The following SRP54 variants were observed in gnomAD, a reference collection of about 807,000 sequenced individuals.
SRP54 encodes the protein signal recognition particle subunit SRP54.
In SRP54, 10 loss-of-function variants were observed where a neutral mutation model predicts 64.8. That is an observed-to-expected ratio of 0.15 (90% confidence interval 0.10 to 0.26). SRP54 has a LOEUF of 0.26. Ranked by LOEUF, SRP54 falls within the 10% of genes least tolerant of loss-of-function variation. The pLI, the probability that SRP54 is intolerant of heterozygous loss-of-function variation, is 1.00. For missense variants in SRP54, 325 were observed against 613.7 expected, an observed-to-expected ratio of 0.53 and a Z score of 4.97; for synonymous variants, 193 against 185.6, an observed-to-expected ratio of 1.04 and a Z score of -0.32.
At chr14:35,021,632 CAA>C (rs11373911) in intron 13 of SRP54, among the ~76,000 whole-genome samples, 1 of 132,296 alleles carries the variant, frequency 7.6e-6, no homozygotes, top group African/African-American at 2.9e-5. Flanking sequence ...CACTCTGTCT[CAA>C]AAAAAAAAAA....
intron 1 of SRP54, among the ~76,000 whole-genome samples, chr14:34,992,832 C>G (rs1254355880): frequency 6.6e-6 from 1 of 151,458 alleles, no homozygotes; most frequent in Admixed American, 6.6e-5. Context: ...AAGTTTGCCC[C>G]CCCAAAAAGT....
intron 7 of SRP54, among the ~76,000 whole-genome samples, chr14:35,010,417 C>G (rs2044337350): frequency 6.6e-6 from 1 of 151,440 alleles, no homozygotes; most frequent in Non-Finnish European, 1.5e-5. Context: ...TTGCACTCCA[C>G]CATGGGCAAC....
intron 4 of SRP54, among the ~76,000 whole-genome samples, chr14:35,002,591 C>A (rs1178731874): frequency 6.6e-6 from 1 of 151,788 alleles, no homozygotes; most frequent in Non-Finnish European, 1.5e-5. Context: ...TGCCACCACG[C>A]CCAGCTAATT....
chr14:35,011,152 C>A (rs979867385), intron 7 of SRP54, among the ~76,000 whole-genome samples: 3 of 151,474 alleles, frequency 2.0e-5, no homozygotes, highest in African/African-American at 7.3e-5. Flanking sequence ...ACAAGAATAT[C>A]TACTGGTTTT....
intron 1 of SRP54, among the ~76,000 whole-genome samples, chr14:34,988,460 G>T (rs938154840): frequency 2.0e-5 from 3 of 148,296 alleles, no homozygotes; most frequent in African/African-American, 7.4e-5. Flanking sequence ...TACTCAGAAA[G>T]CTGAGGCAGG....
At chr14:35,002,567 G>A (rs1397011126) in intron 4 of SRP54, among the ~76,000 whole-genome samples, 1 of 151,516 alleles carries the variant, frequency 6.6e-6, no homozygotes, top group African/African-American at 2.4e-5. Flanking sequence ...CAAGTAGCTG[G>A]GATTACAGGT....
chr14:34,991,109 CTTTTTTTT>C (rs71435838), intron 1 of SRP54, among the ~76,000 whole-genome samples: 16 of 111,086 alleles, frequency 1.4e-4, no homozygotes, highest in African/African-American at 5.3e-4. Context: ...AATTTCTTTT[CTTTTTTTT>C]TTTTTTTTTT....
chr14:35,000,813 T>C lies in SRP54; in HGVS notation c.171-123T>C, dbSNP rs8018114. On this transcript the variant is annotated intron_variant, in intron 3 of 15. Transcript: ENST00000216774. ...TCTGTAGTAATTACATGCATGTTAA[T>C]TGGAAGACTATTAATATGAATGACT... 0.21 allele frequency: 92,005 copies of C among 446,358 alleles called. 10,403 individuals are homozygous for C. Among genetic ancestry groups the C allele is most frequent in the East Asian group, 0.39 (10,963 of 28,308 alleles). 27.6% of individuals were successfully genotyped at this position (446,358 alleles called of 1,614,324 possible).
intron 11 of SRP54, among the ~76,000 whole-genome samples, chr14:35,016,751 A>G (rs2044445545): frequency 6.6e-6 from 1 of 151,838 alleles, no homozygotes; most frequent in Non-Finnish European, 1.5e-5. Context: ...CACAGTACCT[A>G]GCACAGTGTC....
chr14:35,009,554 A>G (rs1203529804), intron 7 of SRP54, among the ~76,000 whole-genome samples: 1 of 152,114 alleles, frequency 6.6e-6, no homozygotes, highest in African/African-American at 2.4e-5. Flanking sequence ...GGATTGTGAA[A>G]ATGTAGTGAA....
chr14:35,023,405 A>G (rs2044567662), intron 14 of SRP54, among the ~76,000 whole-genome samples: 3 of 151,992 alleles, frequency 2.0e-5, no homozygotes, highest in Admixed American at 2.0e-4. Context: ...AATCCAGTGG[A>G]TCCTACTGCA....
chr14:34,999,621 C>T lies in SRP54; in HGVS notation c.142C>T (p.Leu48=), dbSNP rs2138981527. The change falls in exon 3 of 16, where the codon CTA becomes TTA. Residue 48 remains leucine (L), a synonymous_variant. Coordinates refer to ENST00000216774, the MANE Select transcript of SRP54 (RefSeq NM_003136.4). ...GTTGGAAGCAGATGTTAATATTAAACTAGTGAAGCAACTAAGAGAAAATGT... is the reference window on the plus strand; with the variant it reads ...GTTGGAAGCAGATGTTAATATTAAATTAGTGAAGCAACTAAGAGAAAATGT... ...ALLEADVNIK[L]VKQLRENVKS... 1.2e-6 allele frequency: 2 copies of T among 1,612,922 alleles called. No individual in the cohort carries two copies. The highest frequency in any genetic ancestry group is 1.7e-6 in the Non-Finnish European group (2 of 1,179,158).
chr14:35,020,974 GTGC>G (rs914039601), intron 13 of SRP54, among the ~76,000 whole-genome samples: 1 of 152,064 alleles, frequency 6.6e-6, no homozygotes, highest in Non-Finnish European at 1.5e-5. Context: ...TTGCCACGAT[GTGC>G]TGCTATTAGT....
chr14:35,025,403 A>G lies in SRP54; in HGVS notation c.1327+2323A>G, dbSNP rs143619107. Among the ~76,000 whole-genome samples the G allele has an allele frequency of 2.2e-3, 340 of 152,326 alleles. 1 individual carries two copies. Among genetic ancestry groups the G allele is most frequent in the Non-Finnish European group, 3.6e-3 (248 of 68,030 alleles). ...CTCTTTTGTGACAAAAAAATTAGAC[A>G]AACATGTTGAAAATTGGTTATAATT... On this transcript the variant is annotated intron_variant, in intron 14 of 15. Transcript: ENST00000216774.
At chr14:35,016,202 G>A (rs1462384032) in intron 11 of SRP54, among the ~76,000 whole-genome samples, 1 of 151,904 alleles carries the variant, frequency 6.6e-6, no homozygotes, top group Non-Finnish European at 1.5e-5. Flanking sequence ...CCATCTTCCT[G>A]TACTCTTCCC....
chr14:35,010,853 A>G (rs2044345692), intron 7 of SRP54, among the ~76,000 whole-genome samples: 2 of 152,344 alleles, frequency 1.3e-5, no homozygotes, highest in South Asian at 4.1e-4. Context: ...AATAAATGAT[A>G]CAGCCATCTG....
chr14:35,019,576 A>G (rs754973080), intron 13 of SRP54, among the ~76,000 whole-genome samples: 12 of 152,342 alleles, frequency 7.9e-5, no homozygotes, highest in Middle Eastern at 3.4e-3. Flanking sequence ...GCTAACATAC[A>G]TTGGGAAACT....
chr14:34,994,773 T>C (rs892054801), intron 1 of SRP54, among the ~76,000 whole-genome samples: 1 of 151,896 alleles, frequency 6.6e-6, no homozygotes, highest in Non-Finnish European at 1.5e-5. Flanking sequence ...CTAAAATTCT[T>C]CCTTTTCTGT....
At chr14:35,019,958 G>C (rs1041849029) in intron 13 of SRP54, among the ~76,000 whole-genome samples, 1 of 152,108 alleles carries the variant, frequency 6.6e-6, no homozygotes, top group African/African-American at 2.4e-5. Context: ...TGAGGCGGGC[G>C]GATCACCTGA....
Sources: gnomAD v4.1 joint callset for allele counts (sites outside exome capture counted in the v4.1 genomes callset) on GRCh38, gnomAD v4.1.1 for gene constraint, MANE v1.5 for transcripts, NCBI Gene and HGNC (gene_info 2026-07-23, HGNC 2026-07-21) for gene names.